The following STK3 variants were observed in gnomAD, a reference collection of about 807,000 sequenced individuals.
STK3 encodes the protein serine/threonine kinase 3.
In STK3, 41 loss-of-function variants were observed where a neutral mutation model predicts 58.0. That is an observed-to-expected ratio of 0.71 (90% confidence interval 0.55 to 0.92). The LOEUF is 0.92. Ranked by LOEUF, STK3 falls within the 40% of genes least tolerant of loss-of-function variation. The pLI, the probability that STK3 is intolerant of heterozygous loss-of-function variation, is 0.00. For missense variants in STK3, 479 were observed against 602.7 expected (o/e 0.79, Z 2.15); for synonymous variants, 170 against 191.0 (o/e 0.89, Z 0.91).
At position 98,847,985 on chromosome 8, in the gene STK3, CTTCAGCATGCTGTTTA is replaced by C. The variant is rs577268521; in HGVS notation, c.110+35646_110+35661del. Among the ~76,000 whole-genome samples, 8 of 152,272 alleles carry C rather than the reference CTTCAGCATGCTGTTTA, an allele frequency of 5.3e-5. No individual in the cohort carries two copies. The South Asian group carries it at 1.7e-3, about 32-fold the overall frequency. ...CTCCACAGAGCTATATGTCATTCCC[CTTCAGCATGCTGTTTA>C]TTCAGCATGCTGTTTAGGTTAAAGC... On this transcript the variant is annotated intron_variant, in intron 3 of 12. Transcript: ENST00000523601.
At chr8:98,388,419 T>C (rs1354955370), upstream of STK3, among the ~76,000 whole-genome samples, 1 of 152,232 alleles carries the variant, frequency 6.6e-6, no homozygotes. Context: ...CAATGATCAA[T>C]GTTAAGATGA....
chr8:98,464,852 C>A (rs1232185287), intron 10 of STK3, among the ~76,000 whole-genome samples: 1 of 151,920 alleles, frequency 6.6e-6, no homozygotes, highest in African/African-American at 2.4e-5. Flanking sequence ...ACTGGCAGAC[C>A]CCCCTTCCCC....
chr8:98,866,613 A>C (rs1036287442), intron 3 of STK3, among the ~76,000 whole-genome samples: 2 of 152,196 alleles, frequency 1.3e-5, no homozygotes, highest in Admixed American at 6.5e-5. Context: ...GATGTTCTCT[A>C]TACATTAGCT....
intron 3 of STK3, among the ~76,000 whole-genome samples, chr8:98,848,839 T>C (rs777132227): frequency 1.3e-5 from 2 of 152,186 alleles, no homozygotes; most frequent in Non-Finnish European, 2.9e-5. Context: ...TGGACATGTG[T>C]TTGCATTTCT....
intron 10 of STK3, among the ~76,000 whole-genome samples, chr8:98,517,192 C>T (rs1253409361): frequency 6.6e-6 from 1 of 152,032 alleles, no homozygotes; most frequent in African/African-American, 2.4e-5. Context: ...TCATTTATCT[C>T]CTTAAGGTCT....
At chr8:98,381,961 A>G (rs144242158) in intron 1 of STK3, among the ~76,000 whole-genome samples, 226 of 152,338 alleles carry the variant, frequency 1.5e-3, no homozygotes, top group African/African-American at 5.2e-3. Context: ...ATTGCATTAA[A>G]ATATTATTTA....
chr8:98,658,343 C>T (rs2130771195), intron 6 of STK3, among the ~76,000 whole-genome samples: 1 of 152,138 alleles, frequency 6.6e-6, no homozygotes. Flanking sequence ...AGAGGGAGTG[C>T]TGCTGAGATT....
chr8:98,915,098 A>T (rs1839293945), intron 1 of STK3, among the ~76,000 whole-genome samples: 1 of 152,052 alleles, frequency 6.6e-6, no homozygotes, highest in Non-Finnish European at 1.5e-5. Flanking sequence ...ACTTGATTGG[A>T]TTGAAAGATA....
At chr8:98,811,470 C>T (rs1292117566) in intron 1 of STK3, among the ~76,000 whole-genome samples, 1 of 149,824 alleles carries the variant, frequency 6.7e-6, no homozygotes, top group Non-Finnish European at 1.5e-5. Context: ...CTAATGATGC[C>T]GAGAAGATTA....
At chr8:98,714,652 A>T (rs1205225606) in intron 4 of STK3, among the ~76,000 whole-genome samples, 1 of 152,218 alleles carries the variant, frequency 6.6e-6, no homozygotes, top group Non-Finnish European at 1.5e-5. Flanking sequence ...CAAATGCAAG[A>T]ACATTCCATG....
chr8:98,750,461 C>CAA (rs57932163), intron 3 of STK3, among the ~76,000 whole-genome samples: 3 of 106,980 alleles, frequency 2.8e-5, no homozygotes, highest in Admixed American at 9.3e-5. Flanking sequence ...AACAAATAAG[C>CAA]AAAAAAAAAA....
intron 10 of STK3, among the ~76,000 whole-genome samples, chr8:98,497,424 T>TA (rs888864021): frequency 6.6e-4 from 99 of 148,958 alleles, no homozygotes; most frequent in African/African-American, 2.2e-3. Context: ...AAAGCACTAG[T>TA]AAAAAAAAAG....
intron 6 of STK3, among the ~76,000 whole-genome samples, chr8:98,691,888 T>C (rs1022022314): frequency 2.0e-5 from 3 of 147,300 alleles, no homozygotes; most frequent in Non-Finnish European, 4.4e-5. Context: ...GCCGAGATCA[T>C]GCCACTACAC....
chr8:98,930,309 C>G (rs1347453807), intron 1 of STK3, among the ~76,000 whole-genome samples: 1 of 152,190 alleles, frequency 6.6e-6, no homozygotes, highest in African/African-American at 2.4e-5. Flanking sequence ...GAAACTGCAG[C>G]TGCCGCCCCA....
At chr8:98,599,170 A>C (rs1052200548) in intron 6 of STK3, among the ~76,000 whole-genome samples, 1 of 152,244 alleles carries the variant, frequency 6.6e-6, no homozygotes, top group African/African-American at 2.4e-5. Context: ...CTTCACAACA[A>C]ATAAATGAGA....
chr8:98,728,896 C>T (rs1827976856), intron 4 of STK3, among the ~76,000 whole-genome samples: 1 of 152,066 alleles, frequency 6.6e-6, no homozygotes, highest in Non-Finnish European at 1.5e-5. Flanking sequence ...ATAATGCAAA[C>T]TTGATATGCC....
chr8:98,477,553 T>C (rs1240431773), intron 10 of STK3, among the ~76,000 whole-genome samples: 2 of 151,984 alleles, frequency 1.3e-5, no homozygotes, highest in South Asian at 2.1e-4. Flanking sequence ...TCACCAAATG[T>C]CCATTAGCAA....
At chr8:98,447,955 T>TATAATA (rs143901845) in intron 1 of STK3, among the ~76,000 whole-genome samples, 11,297 of 141,908 alleles carry the variant, frequency 0.08, 587 homozygotes, top group Middle Eastern at 0.16. Context: ...AAACTTAAAG[T>TATAATA]ATAATAATAA....
At chr8:98,921,588 C>G (rs1839565070) in intron 1 of STK3, 1 of 152,244 alleles carries the variant, frequency 6.6e-6, no homozygotes. Context: ...TTGTTACAGC[C>G]TATGATGGCC....
Sources: gnomAD v4.1 joint callset for allele counts (sites outside exome capture counted in the v4.1 genomes callset) on GRCh38, gnomAD v4.1.1 for gene constraint, MANE v1.5 for transcripts, NCBI Gene and HGNC (gene_info 2026-07-23, HGNC 2026-07-21) for gene names.